LAMA2: variants seen among roughly 807,000 people sequenced by gnomAD.
LAMA2 encodes laminin subunit alpha 2.
A neutral mutation model predicts 364.8 loss-of-function variants in LAMA2; 269 were observed. The ratio of observed to expected loss-of-function variants is 0.74; its 90% CI spans 0.67 to 0.82. The LOEUF (loss-of-function observed/expected upper bound fraction) is 0.82. Among genes scored for constraint, LAMA2 ranks in the 40% least tolerant of loss-of-function variants. The pLI is 0.00. For synonymous variants in LAMA2, 1,379 were observed against 1,370.6 expected (o/e 1.01, Z -0.14); for missense variants, 3,807 against 3,873.2 (o/e 0.98, Z 0.45).
intron 4 of LAMA2, among the ~76,000 whole-genome samples, chr6:129,125,314 AT>A (rs1288396303): frequency 7.2e-5 from 11 of 152,224 alleles, no homozygotes; most frequent in African/African-American, 2.7e-4. Context: ...AGTGTATAGT[AT>A]TCTGGAATTC....
intron 30 of LAMA2, among the ~76,000 whole-genome samples, chr6:129,346,964 A>G (rs1248441495): frequency 6.6e-6 from 1 of 152,136 alleles, no homozygotes; most frequent in Non-Finnish European, 1.5e-5. Flanking sequence ...CTCAGAGAAA[A>G]AAGTCACTGC....
At chr6:128,932,242 G>T (rs1436482832) in intron 1 of LAMA2, among the ~76,000 whole-genome samples, 2 of 152,084 alleles carry the variant, frequency 1.3e-5, no homozygotes, top group African/African-American at 4.8e-5. Context: ...TGGAGCTCTG[G>T]GTCATTGACT....
At chr6:129,499,247 C>T (rs745335128) in intron 58 of LAMA2, among the ~76,000 whole-genome samples, 53 of 152,098 alleles carry the variant, frequency 3.5e-4, no homozygotes, top group African/African-American at 8.2e-4. Context: ...ATTGATGAGC[C>T]TCTACTGAGA....
chr6:129,202,711 T>A (rs766686366), intron 12 of LAMA2, among the ~76,000 whole-genome samples: 22 of 152,208 alleles, frequency 1.4e-4, no homozygotes, highest in East Asian at 5.8e-4. Flanking sequence ...ACGCAAGCAA[T>A]CAAATGAACA....
intron 1 of LAMA2, among the ~76,000 whole-genome samples, chr6:129,022,592 A>G (rs1785511738): frequency 6.6e-6 from 1 of 152,190 alleles, no homozygotes; most frequent in Admixed American, 6.5e-5. Flanking sequence ...CTGTGCTTAG[A>G]TTTTGATAAA....
intron 18 of LAMA2, among the ~76,000 whole-genome samples, chr6:129,285,146 T>C (rs993030717): frequency 2.6e-5 from 4 of 152,176 alleles, no homozygotes; most frequent in Non-Finnish European, 5.9e-5. Context: ...TTTTTATTAA[T>C]AAAAGTTATA....
At chr6:129,138,810 A>G (rs1237238453) in intron 4 of LAMA2, among the ~76,000 whole-genome samples, 1 of 152,250 alleles carries the variant, frequency 6.6e-6, no homozygotes, top group South Asian at 2.1e-4. Flanking sequence ...CTGAGCTTCA[A>G]TGGGATTACT....
At chr6:129,223,927 A>G (rs1162942663) in intron 12 of LAMA2, among the ~76,000 whole-genome samples, 1 of 152,142 alleles carries the variant, frequency 6.6e-6, no homozygotes, top group African/African-American at 2.4e-5. Context: ...TCTATGAATT[A>G]CCTTGGGCAG....
At chr6:128,888,968 A>G (rs1776297356) in intron 1 of LAMA2, among the ~76,000 whole-genome samples, 1 of 152,228 alleles carries the variant, frequency 6.6e-6, no homozygotes, top group Non-Finnish European at 1.5e-5. Flanking sequence ...TCTACATTCA[A>G]GAGCATTCCA....
At chr6:129,149,865 C>A in intron 7 of LAMA2, among the ~76,000 whole-genome samples, 1 of 152,024 alleles carries the variant, frequency 6.6e-6, no homozygotes, top group Non-Finnish European at 1.5e-5. Flanking sequence ...TATAAGTAAT[C>A]TAGAGATGAT....
intron 4 of LAMA2, among the ~76,000 whole-genome samples, chr6:129,111,809 T>G (rs1328326749): frequency 2.6e-5 from 4 of 152,008 alleles, no homozygotes; most frequent in Admixed American, 6.6e-5. Context: ...TACATTTGTT[T>G]TTAAATTTTG....
intron 12 of LAMA2, among the ~76,000 whole-genome samples, chr6:129,224,455 C>T (rs1562350789): frequency 6.6e-6 from 1 of 152,024 alleles, no homozygotes; most frequent in Admixed American, 6.6e-5. Context: ...CAGTTTTTGC[C>T]CATTCAGTAT....
Position 129,207,036 on chromosome 6 carries a change from T to G in LAMA2, c.1782+14183T>G, listed in dbSNP as rs17729201. On this transcript the variant is annotated intron_variant, in intron 12 of 64. Transcript: ENST00000421865. ...AAGCCTGAGTACACACTTCAGCAGT[T>G]GCCTTGAATCATGAGGCCATTGCCT... Among the ~76,000 whole-genome samples the G allele has an allele frequency of 3.7e-3, 565 of 152,342 alleles. 4 individuals carry two copies. Among genetic ancestry groups the G allele is most frequent in the South Asian group, 0.024 (117 of 4,830 alleles).
intron 1 of LAMA2, among the ~76,000 whole-genome samples, chr6:128,917,911 T>C (rs1195640066): frequency 6.6e-6 from 1 of 151,790 alleles, no homozygotes; most frequent in African/African-American, 2.4e-5. Flanking sequence ...TTTTTCTATT[T>C]TTTTTGTAAA....
chr6:129,056,639 A>G (rs1788509199), intron 2 of LAMA2, among the ~76,000 whole-genome samples: 2 of 152,180 alleles, frequency 1.3e-5, no homozygotes, highest in South Asian at 4.1e-4. Context: ...TCATGTTTTC[A>G]GTAAATGTTA....
At chr6:129,290,788 A>C (rs191619756) in intron 19 of LAMA2, among the ~76,000 whole-genome samples, 114 of 152,324 alleles carry the variant, frequency 7.5e-4, no homozygotes, top group African/African-American at 2.5e-3. Flanking sequence ...TTTTAGAATA[A>C]CCTCAGACAG....
At position 129,392,991 on chromosome 6, in the gene LAMA2, C is replaced by T. The variant is rs1331244304; in HGVS notation, c.5235-54C>T. 3.6e-6 allele frequency: 5 copies of T among 1,393,700 alleles called. No individual in the cohort carries two copies. The African/African-American group carries it at 5.7e-5, about 16-fold the overall frequency. The allele number at this position is 1,393,700 out of a possible 1,614,324, so 86.3% of individuals were successfully genotyped here. A position where few individuals can be genotyped will look rare whatever the true frequency, so the allele number is the denominator to read the frequency against. On this transcript the variant is annotated intron_variant, in intron 36 of 64. Transcript: ENST00000421865. ...GTAACATGGTTTAATACCAATAAACCCTAAGGCAGTGACATGAGCTCATTG... is the reference window on the plus strand; with the variant it reads ...GTAACATGGTTTAATACCAATAAACTCTAAGGCAGTGACATGAGCTCATTG...
At chr6:129,034,058 A>G (rs1786432026) in intron 1 of LAMA2, among the ~76,000 whole-genome samples, 1 of 152,184 alleles carries the variant, frequency 6.6e-6, no homozygotes, top group Admixed American at 6.5e-5. Flanking sequence ...TGATGTGACC[A>G]GAGAAGGGAC....
intron 4 of LAMA2, among the ~76,000 whole-genome samples, chr6:129,101,770 G>A (rs371568325): frequency 6.6e-6 from 1 of 152,156 alleles, no homozygotes; most frequent in Non-Finnish European, 1.5e-5. Context: ...ACTTTAGATT[G>A]TACCTTTTTA....
Sources: gnomAD v4.1 joint callset for allele counts (sites outside exome capture counted in the v4.1 genomes callset) on GRCh38, gnomAD v4.1.1 for gene constraint, MANE v1.5 for transcripts, NCBI Gene and HGNC (gene_info 2026-07-23, HGNC 2026-07-21) for gene names.